Variants in SLC6A20 observed in about 807,000 individuals in gnomAD.
SLC6A20 encodes sodium- and chloride-dependent transporter XTRP3.
Under a neutral mutation model 64.3 loss-of-function variants are expected in SLC6A20, and 73 were observed. The observed-to-expected ratio is 1.14, with a 90% CI of 0.94 to 1.38. The LOEUF is 1.38. SLC6A20 is among the 40% of genes most tolerant of loss of function. The pLI is 0.00. For missense variants in SLC6A20, 725 were observed against 772.8 expected (o/e 0.94, Z 0.73); for synonymous variants, 347 against 329.6 (o/e 1.05, Z -0.57).
At chr3:45,790,878 C>T (rs1032876022) in intron 1 of SLC6A20, among the ~76,000 whole-genome samples, 3 of 152,234 alleles carry the variant, frequency 2.0e-5, no homozygotes, top group Admixed American at 1.3e-4. Flanking sequence ...CCCCGCCTCA[C>T]TTCTCACAGC....
chr3:45,772,324 G>A, intron 5 of SLC6A20, 181 bp downstream of exon 5: 1 of 547,720 alleles, frequency 1.8e-6, no homozygotes, highest in Middle Eastern at 3.6e-4. Flanking sequence ...GGATGACCTG[G>A]CTGAGGAGGT....
intron 5 of SLC6A20, 113 bp from the exon 6 acceptor site, chr3:45,771,571 C>T (rs1699868902): frequency 1.3e-6 from 2 of 1,515,964 alleles, no homozygotes; most frequent in Non-Finnish European, 8.9e-7. Flanking sequence ...CAGCACGCAG[C>T]CATCAGGGGC....
At chr3:45,760,782 G>A (rs189932151) in intron 9 of SLC6A20, among the ~76,000 whole-genome samples, 50 of 152,336 alleles carry the variant, frequency 3.3e-4, no homozygotes, top group Non-Finnish European at 5.3e-4. Context: ...AAGTATCTTT[G>A]GCATTTTGGG....
chr3:45,782,498 ATCCATCCG>A (rs1444003099), intron 1 of SLC6A20, among the ~76,000 whole-genome samples: 1 of 151,592 alleles, frequency 6.6e-6, no homozygotes, highest in Non-Finnish European at 1.5e-5. Context: ...CCATCCATTC[ATCCATCCG>A]TTCTTCTGTC....
intron 1 of SLC6A20, among the ~76,000 whole-genome samples, chr3:45,782,506 G>A (rs755754657): frequency 8.0e-5 from 12 of 149,518 alleles, no homozygotes; most frequent in Non-Finnish European, 1.3e-4. Flanking sequence ...TCATCCATCC[G>A]TTCTTCTGTC....
At chr3:45,784,676 A>C (rs949232178) in intron 1 of SLC6A20, among the ~76,000 whole-genome samples, 2 of 152,360 alleles carry the variant, frequency 1.3e-5, no homozygotes, top group East Asian at 1.9e-4. Context: ...ATGTAAAAAA[A>C]AAATGTGAAC....
chr3:45,790,077 G>T (rs1700225064), intron 1 of SLC6A20, among the ~76,000 whole-genome samples: 2 of 152,074 alleles, frequency 1.3e-5, no homozygotes, highest in Non-Finnish European at 2.9e-5. Context: ...ATCACTGCAA[G>T]CCCTCACATC....
rs535472009 is a variant in SLC6A20 at position 45,771,364 on chromosome 3, G to C, written c.788C>G (p.Ala263Gly). ...GTTGTTGGATGGCTCATTGTAGCTG[G>C]CGAAGGCGATCAGGCTGCCGAAGCC... ...GLGFGSLIAF[A>G]SYNEPSNNCQ... The change falls in exon 6 of 11, where the codon GCC becomes GGC. Residue 263 changes from alanine (A) to glycine (G), a missense_variant. Physicochemically the swap from Ala to Gly is moderately conservative, Grantham distance 60 (BLOSUM62 0). Coordinates refer to ENST00000358525, the MANE Select transcript of SLC6A20 (RefSeq NM_020208.4). 24 of 1,614,242 alleles carry C rather than the reference G, an allele frequency of 1.5e-5. No homozygotes were observed. In the East Asian group the frequency reaches 2.0e-4, roughly 13 times the overall value.
chr3:45,782,607 C>G (rs1411313314), intron 1 of SLC6A20, among the ~76,000 whole-genome samples: 1 of 149,950 alleles, frequency 6.7e-6, no homozygotes, highest in Non-Finnish European at 1.5e-5. Context: ...ATTCATCCAT[C>G]CGTATTTCCA....
chr3:45,758,572 A>G lies in SLC6A20; in HGVS notation c.*406T>C, dbSNP rs1439206313. The G allele has an allele frequency of 1.8e-6, 2 of 1,112,772 alleles. No homozygotes were observed. The highest frequency in any genetic ancestry group is 3.4e-5 in the African/African-American group (2 of 59,384). 68.9% of individuals were successfully genotyped at this position (1,112,772 alleles called of 1,614,324 possible). ...CATCTTAGGCACTTCAAAACTCCTTAAATGGATCTAAAAATATTTGTCCTC... is the reference window on the plus strand; with the variant it reads ...CATCTTAGGCACTTCAAAACTCCTTGAATGGATCTAAAAATATTTGTCCTC... On this transcript the variant is annotated 3_prime_UTR_variant, in exon 11 of 11. Transcript: ENST00000358525.
chr3:45,763,634 C>T (rs528609577), intron 8 of SLC6A20, among the ~76,000 whole-genome samples: 41 of 152,276 alleles, frequency 2.7e-4, no homozygotes, highest in Admixed American at 8.5e-4. Context: ...GGCAGGTGTC[C>T]GGAGCCCCCT....
chr3:45,769,000 G>GA (rs1418731208), intron 7 of SLC6A20, among the ~76,000 whole-genome samples: 7 of 152,078 alleles, frequency 4.6e-5, no homozygotes, highest in African/African-American at 1.7e-4. Flanking sequence ...AGTTTACATA[G>GA]AAAACTGAAG....
In SLC6A20 at chr3:45,763,073, C is replaced by A. The variant is rs1321482939; in HGVS notation, c.1304-1G>T. The A allele has an allele frequency of 1.2e-6, 2 of 1,613,968 alleles. No individual in the cohort carries two copies. Among genetic ancestry groups the A allele is most frequent in the Admixed American group, 1.7e-5 (1 of 60,030 alleles). On this transcript the variant is annotated splice_acceptor_variant, in intron 8 of 10. Transcript: ENST00000358525. LOFTEE classifies it high-confidence loss of function. ...GCACAGTTGACAAGGCACACCAGAC[C>A]TGGGGGCCACAAGACCAGCTGCTCA...
intron 1 of SLC6A20, among the ~76,000 whole-genome samples, chr3:45,795,642 C>T (rs1429156180): frequency 6.6e-6 from 1 of 152,180 alleles, no homozygotes. Context: ...GAAGGTGTTC[C>T]CAGCTTTCCG....
rs545994457 is a variant in SLC6A20 at position 45,757,282 on chromosome 3, A to G, written c.*1696T>C. ...TGCAAAGAGGCCTCCCTCCTTCACT[A>G]TTCCTCCTCAGCACCGACCCTTTAC... On this transcript the variant is annotated 3_prime_UTR_variant, in exon 11 of 11. Coordinates refer to ENST00000358525, the MANE Select transcript of SLC6A20 (RefSeq NM_020208.4). 2 of 151,128 alleles carry G rather than the reference A, an allele frequency of 1.3e-5. No individual in the cohort carries two copies. The highest frequency in any genetic ancestry group is 4.2e-4 in the South Asian group (2 of 4,766). 9.4% of individuals were successfully genotyped at this position (151,128 alleles called of 1,614,324 possible).
At chr3:45,776,013 C>T (rs1699960728) in intron 3 of SLC6A20, 25 bp from the exon 4 acceptor site, 2 of 1,609,934 alleles carry the variant, frequency 1.2e-6, no homozygotes, top group African/African-American at 1.3e-5. Flanking sequence ...CAAGTGTTAT[C>T]CAGGGAGGTG....
intron 9 of SLC6A20, 142 bp from the exon 10 acceptor site, chr3:45,760,164 T>G: frequency 1.1e-6 from 1 of 897,298 alleles, no homozygotes; most frequent in Non-Finnish European, 1.7e-6. Flanking sequence ...GGCTCCTCTG[T>G]GACACCTTCT....
In SLC6A20 at chr3:45,759,010, G is replaced by A. The variant is rs202094508; in HGVS notation, c.1747C>T (p.Leu583Phe). The A allele has an allele frequency of 5.2e-5, 84 of 1,611,410 alleles. 1 individual carries two copies. The highest frequency in any genetic ancestry group is 3.6e-4 in the East Asian group (16 of 44,728). ...ACGGGGTCTGCGTCTCCCCTCTTGA[G>A]GCGACGCTGAACAAAAGTCCCCAGG... is the stretch of plus-strand genomic sequence containing the variant. ...AALGTFVQRR[L>F]KRGDADPVA Residue 583 changes from leucine to phenylalanine, a missense_variant, in exon 11 of 11, where the codon CTC becomes TTC. Physicochemically the swap from Leu to Phe is conservative, Grantham distance 22. Transcript: ENST00000358525.
At chr3:45,759,824 G>A (rs1396978111) in intron 10 of SLC6A20, 33 bp downstream of exon 10, 4 of 1,581,616 alleles carry the variant, frequency 2.5e-6, no homozygotes, top group Non-Finnish European at 3.4e-6. Flanking sequence ...GGCCATGGGG[G>A]CCCAGCGCCA....
Sources: allele counts gnomAD v4.1 joint callset (sites outside exome capture counted in the v4.1 genomes callset), GRCh38; gene constraint gnomAD v4.1.1; transcripts MANE v1.5; gene names NCBI Gene and HGNC (gene_info 2026-07-23, HGNC 2026-07-21).